The following SUN2 variants were observed in gnomAD, a reference collection of about 807,000 sequenced individuals.
SUN2 encodes SUN domain-containing protein 2.
In SUN2, 60 loss-of-function variants were observed where a neutral mutation model predicts 100.0. That is an observed-to-expected ratio of 0.60 (90% confidence interval 0.49 to 0.74). The LOEUF (loss-of-function observed/expected upper bound fraction) is 0.74, where lower values mean the gene tolerates loss of function less well. Among genes scored for constraint, SUN2 ranks in the 30% least tolerant of loss-of-function variants. SUN2 has a pLI of 0.00. For synonymous variants in SUN2, 367 were observed against 403.3 expected (o/e 0.91, Z 1.08); for missense variants, 834 against 954.6 (o/e 0.87, Z 1.66).
At chr22:38,749,052 T>G in intron 6 of SUN2, 2 of 441,942 alleles carry the variant, frequency 4.5e-6, no homozygotes, top group Admixed American at 7.2e-5. Flanking sequence ...CTCAAAAATT[T>G]TTATATGGAC....
At chr22:38,753,330 C>T (rs1192781751) in intron 1 of SUN2, among the ~76,000 whole-genome samples, 1 of 151,294 alleles carries the variant, frequency 6.6e-6, no homozygotes, top group East Asian at 1.9e-4. Flanking sequence ...ATTCTCCTGC[C>T]TCAGCCTCCC....
rs752333482 is a variant in SUN2 at position 38,740,976 on chromosome 22, C to G, written c.1190+31G>C. 3.8e-5 allele frequency: 60 copies of G among 1,575,916 alleles called. No homozygotes were observed. Among genetic ancestry groups the G allele is most frequent in the Non-Finnish European group, 5.1e-5 (59 of 1,161,256 alleles). On this transcript the variant is annotated intron_variant, in intron 11 of 17. Coordinates refer to ENST00000689035, the MANE Select transcript of SUN2 (RefSeq NM_015374.3). The surrounding 1 kb of genome is among the most constrained non-coding windows in gnomAD (Gnocchi z 4.8). ...GAGAGTGGGTGGGGCTGGGGAGGAG[C>G]AGGCCGAGGCCAGCTGGTGGCGCCC... is the stretch of plus-strand genomic sequence containing the variant.
intron 1 of SUN2, chr22:38,754,712 C>G (rs1282756096): frequency 7.8e-7 from 1 of 1,288,912 alleles, no homozygotes; most frequent in East Asian, 5.6e-5. Flanking sequence ...GACACCTTTG[C>G]CCAGGGCAGA....
chr22:38,742,258 T>C, intron 9 of SUN2, 43 bp downstream of exon 9: 7 of 1,547,030 alleles, frequency 4.5e-6, no homozygotes, highest in Non-Finnish European at 6.1e-6. Flanking sequence ...CGCTTTCCTA[T>C]GGGTGTCACC....
At position 38,745,726 on chromosome 22, in the gene SUN2, C is replaced by A. The variant is rs140074684; in HGVS notation, c.771G>T (p.Pro257=). ...AGTCTCTGGCTTCCCAGCCCTCATC[C>A]GGCCTCCTGCTGTCCTTCGCTGCCC... The part of the protein sequence containing the change: ...SWWAAKDSRR[P]DEGWEARDSS... Residue 257 remains proline, a synonymous_variant, in exon 8 of 18, where the codon CCG becomes CCT. Coordinates refer to ENST00000689035, the MANE Select transcript of SUN2 (RefSeq NM_015374.3). The A allele has an allele frequency of 6.2e-7, 1 of 1,613,900 alleles. No individual in the cohort carries two copies. Among genetic ancestry groups the A allele is most frequent in the African/African-American group, 1.3e-5 (1 of 74,932 alleles).
At position 38,738,727 on chromosome 22, in the gene SUN2, C is replaced by T. The variant is rs1384723835; in HGVS notation, c.1807G>A (p.Ala603Thr). 1 of 1,613,578 alleles carries T rather than the reference C, an allele frequency of 6.2e-7. No individual in the cohort carries two copies. The highest frequency in any genetic ancestry group is 8.5e-7 in the Non-Finnish European group (1 of 1,179,966). Residue 603 changes from alanine to threonine, a missense_variant, in exon 16 of 18, where the codon GCC becomes ACC. Physicochemically the swap from Ala to Thr is moderately conservative, Grantham distance 58. Around this residue, in one of 3 missense-constraint regions of SUN2, gnomAD observed 195 missense variants for 280.2 expected, o/e 0.70. Transcript: ENST00000689035. The surrounding 1 kb of genome is among the most constrained non-coding windows in gnomAD (Gnocchi z 6.6). ...GCGAAGCCTTGTGGCCCCTGGAAGG[C>T]CCAGCAGTTGCCTGGGTGCACATCT... ...QPDVHPGNCW[A>T]FQGPQGFAVV... is the part of the protein sequence containing the mutation.
rs1378473447 is a variant in SUN2 at position 38,737,621 on chromosome 22, C to T, written c.2040+552G>A. 2.9e-5 allele frequency: 9 copies of T among 310,468 alleles called. 1 individual carries two copies. The highest frequency in any genetic ancestry group is 5.7e-5 in the Non-Finnish European group (9 of 157,214). The allele number at this position is 310,468 out of a possible 1,614,324, so 19.2% of individuals were successfully genotyped here. A position where few individuals can be genotyped will look rare whatever the true frequency, so the allele number is the denominator to read the frequency against. ...GTCCCTCGTCCACCTCCCACTATCC[C>T]GCCAACCCAATTCCTCACTCCAGGA... On this transcript the variant is annotated intron_variant, in intron 17 of 17. Coordinates refer to ENST00000689035, the MANE Select transcript of SUN2 (RefSeq NM_015374.3). The surrounding 1 kb of genome is among the most constrained non-coding windows in gnomAD (Gnocchi z 4.1).
chr22:38,755,977 T>G lies in SUN2; in HGVS notation c.-252A>C, dbSNP rs934309325. 1 of 982,354 alleles carries G rather than the reference T, an allele frequency of 1.0e-6. No homozygotes were observed. The highest frequency in any genetic ancestry group is 1.2e-6 in the Non-Finnish European group (1 of 829,018). The allele number at this position is 982,354 out of a possible 1,614,324, so 60.9% of individuals were successfully genotyped here. On this transcript the variant is annotated 5_prime_UTR_variant, in exon 1 of 18. Coordinates refer to ENST00000689035, the MANE Select transcript of SUN2 (RefSeq NM_015374.3). This position sits in a 1 kb window ranked among gnomAD's most constrained non-coding sequence, Gnocchi z 5.7. ...CCGGCGGAGGCCCGCGCTGCGCGAG[T>G]GGGGCCGGGCGGCGCGCGTGTGGCC...
chr22:38,739,324 G>A lies in SUN2; in HGVS notation c.1663+18C>T. 1 of 1,612,510 alleles carries A rather than the reference G, an allele frequency of 6.2e-7. No homozygotes were observed. On this transcript the variant is annotated intron_variant, in intron 14 of 17. Transcript: ENST00000689035. This position sits in a 1 kb window ranked among gnomAD's most constrained non-coding sequence, Gnocchi z 6.7. ...CGGGGTCCAGGACAAGGCAGAGCGA[G>A]GAAAGCAGAGCACGTACCTCCTGAC...
At chr22:38,754,155 G>A (rs2092968468) in intron 1 of SUN2, among the ~76,000 whole-genome samples, 1 of 152,202 alleles carries the variant, frequency 6.6e-6, no homozygotes, top group Admixed American at 6.5e-5. Context: ...TCTGTGACAT[G>A]AGGAAGATTA....
Position 38,739,193 on chromosome 22 carries a change from C to T in SUN2, c.1663+149G>A, listed in dbSNP as rs902492990. The T allele has an allele frequency of 1.2e-5, 12 of 980,446 alleles. No individual in the cohort carries two copies. In the Middle Eastern group the frequency reaches 7.4e-4, roughly 61 times the overall value. 60.7% of individuals were successfully genotyped at this position (980,446 alleles called of 1,614,324 possible). Reference sequence around the variant, plus strand: ...GTACGTCCTGACTTCCCTGAATTGCCACTTGCCTTTGTCATGGGTACTAGG... The same window carrying T: ...GTACGTCCTGACTTCCCTGAATTGCTACTTGCCTTTGTCATGGGTACTAGG... On this transcript the variant is annotated intron_variant, in intron 14 of 17. Transcript: ENST00000689035. The surrounding 1 kb of genome is among the most constrained non-coding windows in gnomAD (Gnocchi z 6.7).
Position 38,739,926 on chromosome 22 carries a change from C to G in SUN2, c.1374G>C (p.Pro458=), listed in dbSNP as rs940859685. The part of the protein sequence containing the change: ...AVRDDVESQF[P]AWISQFLARG... ...GGGCAAGGAACTGACTGATCCAGGC[C>G]GGGAACTGAGATTCCACCTATAGGA... The change falls in exon 13 of 18, where the codon CCG becomes CCC. Residue 458 remains proline, a synonymous_variant. Coordinates refer to ENST00000689035, the MANE Select transcript of SUN2 (RefSeq NM_015374.3). This position sits in a 1 kb window ranked among gnomAD's most constrained non-coding sequence, Gnocchi z 6.7. The G allele has an allele frequency of 1.2e-6, 2 of 1,611,610 alleles. No individual in the cohort carries two copies. The highest frequency in any genetic ancestry group is 2.2e-5 in the East Asian group (1 of 44,868).
chr22:38,740,242 C>T lies in SUN2; in HGVS notation c.1356+25G>A. 2 of 1,529,226 alleles carry T rather than the reference C, an allele frequency of 1.3e-6. No homozygotes were observed. The highest frequency in any genetic ancestry group is 2.4e-5 in the East Asian group (1 of 42,540). 94.7% of individuals were successfully genotyped at this position (1,529,226 alleles called of 1,614,324 possible). On this transcript the variant is annotated intron_variant, in intron 12 of 17. Coordinates refer to ENST00000689035, the MANE Select transcript of SUN2 (RefSeq NM_015374.3). The surrounding 1 kb of genome is among the most constrained non-coding windows in gnomAD (Gnocchi z 4.8). Reference sequence around the variant, plus strand: ...CTCAAAGGAGGAGGAGAGGGACCAGCAGGGCCCTGGTGGTTCCCACTCACG... The same window carrying T: ...CTCAAAGGAGGAGGAGAGGGACCAGTAGGGCCCTGGTGGTTCCCACTCACG...
At chr22:38,744,201 C>T (rs958182077) in intron 8 of SUN2, among the ~76,000 whole-genome samples, 2 of 148,028 alleles carry the variant, frequency 1.4e-5, no homozygotes, top group African/African-American at 5.0e-5. Flanking sequence ...GATCGTGCCA[C>T]TGCACTCCAG....
chr22:38,735,765 C>T lies in SUN2; in HGVS notation c.*502G>A, dbSNP rs1383575366. The T allele has an allele frequency of 6.2e-6, 1 of 160,632 alleles. No homozygotes were observed. Among genetic ancestry groups the T allele is most frequent in the East Asian group, 1.9e-4 (1 of 5,302 alleles). 10.0% of individuals were successfully genotyped at this position (160,632 alleles called of 1,614,324 possible). A position where few individuals can be genotyped will look rare whatever the true frequency, so the allele number is the denominator to read the frequency against. ...GCACTAACCTTGTAGGAGAGCTGGGCAGCTCTCCATCAAGTGCTTCCTGCC... is the reference window on the plus strand; with the variant it reads ...GCACTAACCTTGTAGGAGAGCTGGGTAGCTCTCCATCAAGTGCTTCCTGCC... On this transcript the variant is annotated 3_prime_UTR_variant, in exon 18 of 18. Coordinates refer to ENST00000689035, the MANE Select transcript of SUN2 (RefSeq NM_015374.3).
chr22:38,737,742 T>A lies in SUN2; in HGVS notation c.2040+431A>T, dbSNP rs942878306. ...AACCAGACTCTCCTGGGGTGGAGAC[T>A]GGGAATCTGCATTTCTAACTGACTT... On this transcript the variant is annotated intron_variant, in intron 17 of 17. Coordinates refer to ENST00000689035, the MANE Select transcript of SUN2 (RefSeq NM_015374.3). The surrounding 1 kb of genome is among the most constrained non-coding windows in gnomAD (Gnocchi z 4.1). 6.7e-5 allele frequency: 25 copies of A among 371,736 alleles called. No individual in the cohort carries two copies. In the Admixed American group the frequency reaches 7.2e-4, roughly 11 times the overall value. The allele number at this position is 371,736 out of a possible 1,614,324, so 23.0% of individuals were successfully genotyped here. A position where few individuals can be genotyped will look rare whatever the true frequency, so the allele number is the denominator to read the frequency against.
rs756597106 is a variant in SUN2, at chr22:38,739,935, A to G, written c.1365T>C (p.Ser455=). The change falls in exon 13 of 18, where the codon TCT becomes TCC. Residue 455 remains serine (S), a synonymous_variant. Coordinates refer to ENST00000689035, the MANE Select transcript of SUN2 (RefSeq NM_015374.3). This position sits in a 1 kb window ranked among gnomAD's most constrained non-coding sequence, Gnocchi z 6.7. ...QIQAVRDDVE[S]QFPAWISQFL... is the part of the protein sequence containing the mutation. ...ACTGACTGATCCAGGCCGGGAACTG[A>G]GATTCCACCTATAGGAACCCAAAGG... is the stretch of plus-strand genomic sequence containing the variant. The G allele has an allele frequency of 1.2e-6, 2 of 1,610,906 alleles. No individual in the cohort carries two copies. Among genetic ancestry groups the G allele is most frequent in the Non-Finnish European group, 8.5e-7 (1 of 1,179,912 alleles).
At chr22:38,745,855 A>G in intron 7 of SUN2, 44 bp from the exon 8 acceptor site, 1 of 1,603,828 alleles carries the variant, frequency 6.2e-7, no homozygotes, top group Non-Finnish European at 8.5e-7. Flanking sequence ...GGCCTCCAGC[A>G]AGAGGCGCGC....
Position 38,735,952 on chromosome 22 carries a change from C to T in SUN2, c.*315G>A, listed in dbSNP as rs988413920. 3.9e-6 allele frequency: 1 copy of T among 254,696 alleles called. No homozygotes were observed. 15.8% of individuals were successfully genotyped at this position (254,696 alleles called of 1,614,324 possible). ...GCTCCCAGGCACCAGCCCCTGACCC[C>T]AGCCAAGACCAGTCAGGTCCTACCT... On this transcript the variant is annotated 3_prime_UTR_variant, in exon 18 of 18. Transcript: ENST00000689035.
Sources: gnomAD v4.1 joint callset for allele counts (sites outside exome capture counted in the v4.1 genomes callset) on GRCh38, gnomAD v4.1.1 for gene constraint, gnomAD v4.1.1 regional missense constraint, Gnocchi (gnomAD v3.1) non-coding constraint, MANE v1.5 for transcripts, NCBI Gene and HGNC (gene_info 2026-07-23, HGNC 2026-07-21) for gene names.